The following PTPRN2 variants were observed in gnomAD, a reference collection of about 807,000 sequenced individuals.
PTPRN2 encodes receptor-type tyrosine-protein phosphatase N2.
Under a neutral mutation model 118.8 loss-of-function variants are expected in PTPRN2, and 74 were observed. The ratio of observed to expected loss-of-function variants is 0.62; its 90% CI spans 0.52 to 0.76. The LOEUF (loss-of-function observed/expected upper bound fraction) is 0.76. Ranked by LOEUF, PTPRN2 falls within the 30% of genes least tolerant of loss-of-function variation. PTPRN2 has a pLI of 0.00. For missense variants in PTPRN2, 1,481 were observed against 1,394.4 expected (o/e 1.06, Z -0.99); for synonymous variants, 641 against 608.0 (o/e 1.05, Z -0.80).
chr7:157,946,158 G>A lies in PTPRN2; in HGVS notation c.1724-47421C>T, dbSNP rs551141420. 2.0e-5 allele frequency among the ~76,000 whole-genome samples: 3 copies of A among 152,242 alleles called. No individual in the cohort carries two copies. In the South Asian group the frequency reaches 6.2e-4, roughly 32 times the overall value. On this transcript the variant is annotated intron_variant, in intron 11 of 22. Coordinates refer to ENST00000389418, the MANE Select transcript of PTPRN2 (RefSeq NM_002847.5). Reference sequence around the variant, plus strand: ...AGCTGATGGTGAGGCAGGATAATACGGTCTGGAGGCAAGAAGCAACCACAC... The same window carrying A: ...AGCTGATGGTGAGGCAGGATAATACAGTCTGGAGGCAAGAAGCAACCACAC...
Position 157,690,574 on chromosome 7 carries a change from C to A in PTPRN2, c.1789-7637G>T, listed in dbSNP as rs1057215346. Among the ~76,000 whole-genome samples, 1 of 151,862 alleles carries A rather than the reference C, an allele frequency of 6.6e-6. No individual in the cohort carries two copies. The highest frequency in any genetic ancestry group is 6.5e-5 in the Admixed American group (1 of 15,276). ...TACCTGCAGCTGGGCCGGCGCCCAG[C>A]GCCCGCGCGGGAGGAGGTGGGGGCG... On this transcript the variant is annotated intron_variant, in intron 12 of 22. Transcript: ENST00000389418. The surrounding 1 kb of genome is among the most constrained non-coding windows in gnomAD (Gnocchi z 7.1).
intron 21 of PTPRN2, among the ~76,000 whole-genome samples, chr7:157,552,377 G>A (rs1046105718): frequency 2.0e-5 from 3 of 152,170 alleles, no homozygotes; most frequent in Admixed American, 1.3e-4. Context: ...GGCTGGCCGT[G>A]TGAATAATAG....
intron 3 of PTPRN2, among the ~76,000 whole-genome samples, chr7:158,284,165 A>G (rs1799618641): frequency 6.6e-6 from 1 of 152,246 alleles, no homozygotes; most frequent in Non-Finnish European, 1.5e-5. Flanking sequence ...TGTCGTGCAC[A>G]GGTGCAATCC....
chr7:158,564,871 G>A lies in PTPRN2; in HGVS notation c.112+22687C>T, dbSNP rs574853487. ...ATGAAGGGTCACAGACGCCCTGCTG[G>A]GAGCTAAAGAGAAATGTGTGCAAAT... On this transcript the variant is annotated intron_variant, in intron 1 of 22. Transcript: ENST00000389418. Among the ~76,000 whole-genome samples the A allele has an allele frequency of 3.7e-3, 559 of 152,332 alleles. 6 individuals carry two copies. Among genetic ancestry groups the A allele is most frequent in the African/African-American group, 8.9e-3 (371 of 41,570 alleles).
intron 11 of PTPRN2, among the ~76,000 whole-genome samples, chr7:158,062,060 G>C (rs1314519481): frequency 2.0e-4 from 31 of 152,240 alleles, no homozygotes; most frequent in Admixed American, 2.0e-3. Context: ...TCGCACCTTG[G>C]TGCGGAAGCC....
intron 11 of PTPRN2, among the ~76,000 whole-genome samples, chr7:157,920,002 A>G (rs541188000): frequency 6.6e-6 from 1 of 152,330 alleles, no homozygotes; most frequent in East Asian, 1.9e-4. Flanking sequence ...GCAGGTTTGT[A>G]GCCTAGCAGC....
chr7:158,029,665 G>A (rs1807543864), intron 11 of PTPRN2: 1 of 152,198 alleles, frequency 6.6e-6, no homozygotes, highest in Non-Finnish European at 1.5e-5. Flanking sequence ...AGCAAACACA[G>A]TAACCAGAAA....
rs1047240620 is a variant in PTPRN2, at chr7:158,525,231, G to A, written c.113-35446C>T. Among the ~76,000 whole-genome samples, 1 of 152,200 alleles carries A rather than the reference G, an allele frequency of 6.6e-6. No individual in the cohort carries two copies. Among genetic ancestry groups the A allele is most frequent in the African/African-American group, 2.4e-5 (1 of 41,442 alleles). ...CCGCTCTGGAAGGAAAAGCACCTCT[G>A]GCAAGTAGTCCAGAGGTGAAAGTTT... On this transcript the variant is annotated intron_variant, in intron 1 of 22. Transcript: ENST00000389418. The surrounding 1 kb of genome is among the most constrained non-coding windows in gnomAD (Gnocchi z 4.1).
At chr7:158,157,613 T>C (rs1821943573) in intron 6 of PTPRN2, among the ~76,000 whole-genome samples, 1 of 152,120 alleles carries the variant, frequency 6.6e-6, no homozygotes, top group Admixed American at 6.6e-5. Context: ...CACACGCAGG[T>C]CCGAGGCTGC....
intron 4 of PTPRN2, among the ~76,000 whole-genome samples, chr7:158,196,883 C>G (rs1207974822): frequency 6.6e-6 from 1 of 152,194 alleles, no homozygotes; most frequent in Non-Finnish European, 1.5e-5. Flanking sequence ...AGACTTATGG[C>G]TCTCTTAGAA....
At chr7:158,021,467 C>T (rs953248341) in intron 11 of PTPRN2, among the ~76,000 whole-genome samples, 1 of 152,110 alleles carries the variant, frequency 6.6e-6, no homozygotes, top group Non-Finnish European at 1.5e-5. Flanking sequence ...TGTGTGTATG[C>T]ACCCACGCAC....
chr7:158,131,230 A>G (rs988181632), intron 9 of PTPRN2, among the ~76,000 whole-genome samples: 1 of 151,592 alleles, frequency 6.6e-6, no homozygotes, highest in Non-Finnish European at 1.5e-5. Flanking sequence ...ATACACACAC[A>G]CCCAACAAAC....
intron 3 of PTPRN2, among the ~76,000 whole-genome samples, chr7:158,301,910 G>A (rs1171886275): frequency 2.0e-5 from 3 of 152,106 alleles, no homozygotes; most frequent in Non-Finnish European, 4.4e-5. Context: ...AGATTGTGCC[G>A]CTGTATTCCA....
intron 3 of PTPRN2, among the ~76,000 whole-genome samples, chr7:158,206,754 G>A (rs891047345): frequency 6.6e-5 from 10 of 151,856 alleles, no homozygotes; most frequent in African/African-American, 2.4e-4. Context: ...TGGCTGCAGG[G>A]ATTAAAAACG....
At position 158,133,820 on chromosome 7, in the gene PTPRN2, C is replaced by T. The variant is rs1489268635; in HGVS notation, c.1413G>A (p.Gly471=). 2.5e-6 allele frequency: 4 copies of T among 1,613,862 alleles called. No individual in the cohort carries two copies. The African/African-American group carries it at 5.3e-5, about 22-fold the overall frequency. Residue 471 remains glycine, a synonymous_variant, in exon 9 of 23, where the codon GGG becomes GGA. Coordinates refer to ENST00000389418, the MANE Select transcript of PTPRN2 (RefSeq NM_002847.5). ...GCCCAGGCATCTGGTTTTGGAGCTC[C>T]CCAAACGCAGCGGCCCCGGGCTCCG... is the stretch of plus-strand genomic sequence containing the variant. The part of the protein sequence containing the change: ...PHSEPGAAAF[G]ELQNQMPGPS...
At chr7:158,239,486 G>A (rs35311492) in intron 3 of PTPRN2, among the ~76,000 whole-genome samples, 13,210 of 152,178 alleles carry the variant, frequency 0.087, 612 homozygotes, top group East Asian at 0.15. Context: ...TCCCCTGGCC[G>A]TCAGAAGGTT....
chr7:157,982,196 C>T (rs868065033), intron 11 of PTPRN2, among the ~76,000 whole-genome samples: 2,063 of 129,832 alleles, frequency 0.016, 5 homozygotes, highest in Non-Finnish European at 0.022. Flanking sequence ...CAGGGTCCCC[C>T]CTAAACCCCG....
intron 6 of PTPRN2, among the ~76,000 whole-genome samples, chr7:158,141,119 C>T (rs150250804): frequency 1.3e-5 from 2 of 152,318 alleles, no homozygotes; most frequent in African/African-American, 4.8e-5. Flanking sequence ...CAGGTCCCGC[C>T]GCAACCTTCT....
chr7:158,262,571 TCA>T (rs565705498), intron 3 of PTPRN2, among the ~76,000 whole-genome samples: 1,674 of 101,702 alleles, frequency 0.016, 10 homozygotes, highest in Non-Finnish European at 0.022. Flanking sequence ...ACACACACAT[TCA>T]CACACAGCAC....
Sources: gnomAD v4.1 joint callset for allele counts (sites outside exome capture counted in the v4.1 genomes callset) on GRCh38, gnomAD v4.1.1 for gene constraint, Gnocchi (gnomAD v3.1) non-coding constraint, MANE v1.5 for transcripts, NCBI Gene and HGNC (gene_info 2026-07-23, HGNC 2026-07-21) for gene names.